LDLRAD4: variants seen among roughly 807,000 people sequenced by gnomAD.
LDLRAD4 encodes low density lipoprotein receptor class A domain containing 4.
Under a neutral mutation model 17.0 loss-of-function variants are expected in LDLRAD4, and 5 were observed. The ratio of observed to expected loss-of-function variants is 0.29; its 90% CI spans 0.15 to 0.62. LDLRAD4 has a LOEUF of 0.62. Among genes scored for constraint, LDLRAD4 ranks in the 20% least tolerant of loss-of-function variants. LDLRAD4 has a pLI of 0.84. For synonymous variants in LDLRAD4, 168 were observed against 171.8 expected (o/e 0.98, Z 0.17); for missense variants, 340 against 424.7 (o/e 0.80, Z 1.75).
chr18:13,593,406 G>GTCCA (rs376930269), intron 3 of LDLRAD4, among the ~76,000 whole-genome samples: 1 of 51,990 alleles, frequency 1.9e-5, no homozygotes, highest in Non-Finnish European at 5.2e-5. Context: ...TTGTCTTCCT[G>GTCCA]TCCTTTCCTC....
chr18:13,559,368 C>T (rs1694360769), intron 3 of LDLRAD4, among the ~76,000 whole-genome samples: 1 of 152,128 alleles, frequency 6.6e-6, no homozygotes, highest in Non-Finnish European at 1.5e-5. Flanking sequence ...AAATGGCATT[C>T]ATGGAAAAGG....
intron 3 of LDLRAD4, among the ~76,000 whole-genome samples, chr18:13,558,579 T>TC (rs2094507840): frequency 6.6e-6 from 1 of 152,214 alleles, no homozygotes; most frequent in South Asian, 2.1e-4. Flanking sequence ...AAATTTTTAT[T>TC]CCTAGTAGGA....
chr18:13,320,025 A>C (rs1336992105), intron 1 of LDLRAD4, among the ~76,000 whole-genome samples: 1 of 152,226 alleles, frequency 6.6e-6, no homozygotes, highest in East Asian at 1.9e-4. Context: ...GAGTATAAAA[A>C]ATTATGTTTT....
chr18:13,256,227 C>T (rs2043495028), intron 1 of LDLRAD4, among the ~76,000 whole-genome samples: 1 of 152,174 alleles, frequency 6.6e-6, no homozygotes, highest in Admixed American at 6.5e-5. Flanking sequence ...ACAAACTGCC[C>T]TGGATGTAGG....
At chr18:13,427,009 C>T (rs2145957626) in intron 2 of LDLRAD4, among the ~76,000 whole-genome samples, 1 of 152,108 alleles carries the variant, frequency 6.6e-6, no homozygotes, top group East Asian at 1.9e-4. Flanking sequence ...CATGGTGAAA[C>T]CCCGTCTCTA....
At chr18:13,420,175 T>A (rs1239734209) in intron 2 of LDLRAD4, 2 of 152,182 alleles carry the variant, frequency 1.3e-5, no homozygotes, top group Non-Finnish European at 2.9e-5. Context: ...ATGAGCTTCA[T>A]GAAAGCATAT....
At chr18:13,613,552 T>C (rs998440544) in intron 3 of LDLRAD4, 3 of 152,256 alleles carry the variant, frequency 2.0e-5, no homozygotes, top group Non-Finnish European at 4.4e-5. Context: ...GCTGATTTTT[T>C]AGAAAATCCT....
chr18:13,514,036 G>A lies in LDLRAD4; in HGVS notation c.181+75652G>A, dbSNP rs116050646. Among the ~76,000 whole-genome samples the A allele has an allele frequency of 1.0e-2, 1,519 of 152,306 alleles. 24 individuals are homozygous for A. Among genetic ancestry groups the A allele is most frequent in the African/African-American group, 0.035 (1,445 of 41,550 alleles). On this transcript the variant is annotated intron_variant, in intron 3 of 5. Coordinates refer to ENST00000359446, the Ensembl canonical transcript of LDLRAD4. ...CAGTCCCAACAGACTTTTGCCTCTT[G>A]CCAGGAAGTTGGAGAGATTGGAGAT...
chr18:13,352,950 A>G (rs1022664388), intron 1 of LDLRAD4, among the ~76,000 whole-genome samples: 2 of 152,058 alleles, frequency 1.3e-5, no homozygotes, highest in African/African-American at 2.4e-5. Flanking sequence ...GTTTGGTTCC[A>G]TTTTATAATT....
chr18:13,527,117 TTCCCTG>T (rs2094044819), intron 3 of LDLRAD4, among the ~76,000 whole-genome samples: 1 of 152,228 alleles, frequency 6.6e-6, no homozygotes, highest in Non-Finnish European at 1.5e-5. Context: ...CTGGTGCAGG[TTCCCTG>T]TAAGACACCA....
intron 3 of LDLRAD4, among the ~76,000 whole-genome samples, chr18:13,512,462 G>A (rs1376349395): frequency 6.6e-6 from 1 of 152,120 alleles, no homozygotes; most frequent in Non-Finnish European, 1.5e-5. Flanking sequence ...CTTACAATGT[G>A]GGTGTTGAGT....
chr18:13,349,510 T>C (rs2082914397), intron 1 of LDLRAD4, among the ~76,000 whole-genome samples: 1 of 152,216 alleles, frequency 6.6e-6, no homozygotes, highest in African/African-American at 2.4e-5. Context: ...AGTTACTGTC[T>C]AGTGTCCTTT....
At chr18:13,232,099 G>A (rs1369361492) in intron 1 of LDLRAD4, among the ~76,000 whole-genome samples, 1 of 152,246 alleles carries the variant, frequency 6.6e-6, no homozygotes, top group Non-Finnish European at 1.5e-5. Context: ...GGGGCACCCC[G>A]TGAAGCTCTC....
rs147464453 is a variant in LDLRAD4, at chr18:13,361,732, T to G, written c.-382-25609T>G. Among the ~76,000 whole-genome samples, 68 of 152,206 alleles carry G rather than the reference T, an allele frequency of 4.5e-4. 2 individuals carry two copies. In the East Asian group the frequency reaches 0.012, roughly 27 times the overall value. On this transcript the variant is annotated intron_variant, in intron 1 of 5. Transcript: ENST00000359446. ...GCTGAGAAGGGACAGTTGCAACAGTTTGTAGGATGAGAAATAATGAGTTGC... is the reference window on the plus strand; with the variant it reads ...GCTGAGAAGGGACAGTTGCAACAGTGTGTAGGATGAGAAATAATGAGTTGC...
intron 3 of LDLRAD4, chr18:13,561,517 C>T (rs531841057): frequency 2.6e-5 from 4 of 152,308 alleles, no homozygotes; most frequent in African/African-American, 7.2e-5. Context: ...GTTTCTGCTG[C>T]GTGATTAAAC....
At chr18:13,324,837 A>G (rs565584805) in intron 1 of LDLRAD4, among the ~76,000 whole-genome samples, 60 of 152,200 alleles carry the variant, frequency 3.9e-4, no homozygotes, top group Non-Finnish European at 6.6e-4. Flanking sequence ...GGAAGGTGGA[A>G]AGAAAACAGC....
At position 13,495,937 on chromosome 18, in the gene LDLRAD4, C is replaced by T. The variant is rs573009745; in HGVS notation, c.181+57553C>T. 2.0e-5 allele frequency among the ~76,000 whole-genome samples: 3 copies of T among 152,286 alleles called. No individual in the cohort carries two copies. In the South Asian group the frequency reaches 6.2e-4, roughly 32 times the overall value. On this transcript the variant is annotated intron_variant, in intron 3 of 5. Transcript: ENST00000359446. ...CTGCCGGGCCCTTGTGGAGTTTCTT[C>T]CCACGGATTTTTCATCCTCCCCAGC...
In LDLRAD4 at chr18:13,547,764, G is replaced by C. The variant is rs566681162; in HGVS notation, c.182-73353G>C. On this transcript the variant is annotated intron_variant, in intron 3 of 5. Transcript: ENST00000359446. Reference sequence around the variant, plus strand: ...GCTAGGAAGTGCAGAGCCCCAAAGAGGGTGTCACAGCCCTGGCTCAGGGAG... The same window carrying C: ...GCTAGGAAGTGCAGAGCCCCAAAGACGGTGTCACAGCCCTGGCTCAGGGAG... Among the ~76,000 whole-genome samples, 4 of 152,344 alleles carry C rather than the reference G, an allele frequency of 2.6e-5. No individual in the cohort carries two copies. The South Asian group carries it at 8.3e-4, about 32-fold the overall frequency.
intron 3 of LDLRAD4, among the ~76,000 whole-genome samples, chr18:13,485,606 C>G (rs2093204555): frequency 6.6e-6 from 1 of 152,210 alleles, no homozygotes; most frequent in African/African-American, 2.4e-5. Context: ...CGGGGCGTGG[C>G]CTGGGATCAC....
Sources: gnomAD v4.1 joint callset for allele counts (sites outside exome capture counted in the v4.1 genomes callset) on GRCh38, gnomAD v4.1.1 for gene constraint, MANE v1.5 for transcripts, NCBI Gene and HGNC (gene_info 2026-07-23, HGNC 2026-07-21) for gene names.